The following EBF4 variants were observed in gnomAD, a reference collection of about 807,000 sequenced individuals.
EBF4 encodes the protein transcription factor COE4.
A neutral mutation model predicts 67.1 loss-of-function variants in EBF4; 34 were observed. That is an observed-to-expected ratio of 0.51 (90% CI 0.39 to 0.67). The LOEUF is 0.67. Ranked by LOEUF, EBF4 falls within the 30% of genes least tolerant of loss-of-function variation. The pLI, the probability that EBF4 is intolerant of heterozygous loss-of-function variation, is 0.00. For synonymous variants in EBF4, 387 were observed against 377.7 expected (o/e 1.02, Z -0.29); for missense variants, 837 against 873.3 (o/e 0.96, Z 0.52).
At chr20:2,708,250 G>A (rs1208484258) in intron 5 of EBF4, among the ~76,000 whole-genome samples, 6 of 152,208 alleles carry the variant, frequency 3.9e-5, no homozygotes, top group East Asian at 1.9e-4. Context: ...TGGCTTCTCC[G>A]AGTGTTTTTG....
rs1246485094 is a variant in EBF4 at position 2,739,503 on chromosome 20, C to T, written c.558-9046C>T. On this transcript the variant is annotated intron_variant, in intron 6 of 16. Coordinates refer to ENST00000609451, the Ensembl canonical transcript of EBF4. The surrounding 1 kb of genome is among the most constrained non-coding windows in gnomAD (Gnocchi z 4.5). ...CCTGCCGTGCCCACCACTCTGTCTT[C>T]CTGAGTTTCTCTTTCCTGTTGGGTT... 6.6e-6 allele frequency among the ~76,000 whole-genome samples: 1 copy of T among 152,182 alleles called. No homozygotes were observed. The highest frequency in any genetic ancestry group is 2.4e-5 in the African/African-American group (1 of 41,444).
At chr20:2,732,266 G>C (rs972770407) in intron 6 of EBF4, among the ~76,000 whole-genome samples, 1 of 152,018 alleles carries the variant, frequency 6.6e-6, no homozygotes, top group African/African-American at 2.4e-5. Flanking sequence ...GACTACAGGT[G>C]CATGCCACCA....
At chr20:2,726,500 G>A (rs2087747921) in intron 6 of EBF4, among the ~76,000 whole-genome samples, 1 of 151,332 alleles carries the variant, frequency 6.6e-6, no homozygotes, top group Non-Finnish European at 1.5e-5. Flanking sequence ...AGGATCACTC[G>A]AACCCAGGAG....
At chr20:2,732,131 T>G (rs1384640237) in intron 6 of EBF4, among the ~76,000 whole-genome samples, 1 of 151,908 alleles carries the variant, frequency 6.6e-6, no homozygotes, top group Non-Finnish European at 1.5e-5. Context: ...AGACAGGGTC[T>G]CACTCCAGTT....
chr20:2,734,374 C>CTTCA (rs1267317609), intron 6 of EBF4, among the ~76,000 whole-genome samples: 1 of 152,126 alleles, frequency 6.6e-6, no homozygotes, highest in Non-Finnish European at 1.5e-5. Context: ...CACCACTGCA[C>CTTCA]TTCAGCCTGG....
intron 6 of EBF4, among the ~76,000 whole-genome samples, chr20:2,723,440 TCC>T (rs1009658195): frequency 6.6e-6 from 1 of 152,110 alleles, no homozygotes; most frequent in Non-Finnish European, 1.5e-5. Flanking sequence ...AAGCTCAGCC[TCC>T]CGGGTTCACG....
chr20:2,716,124 A>G (rs2087605698), intron 6 of EBF4, among the ~76,000 whole-genome samples: 1 of 150,146 alleles, frequency 6.7e-6, no homozygotes, highest in South Asian at 2.1e-4. Context: ...TCAGAGGTTG[A>G]GGTGGGAGGA....
intron 6 of EBF4, among the ~76,000 whole-genome samples, chr20:2,724,355 T>G (rs568355186): frequency 6.6e-6 from 1 of 152,072 alleles, no homozygotes; most frequent in Non-Finnish European, 1.5e-5. Flanking sequence ...ATATGAATAA[T>G]TTTTTTTAAC....
In EBF4 at chr20:2,694,974, G is replaced by A. The variant is rs578002841; in HGVS notation, c.137+1192G>A. Among the ~76,000 whole-genome samples, 3 of 152,202 alleles carry A rather than the reference G, an allele frequency of 2.0e-5. No individual in the cohort carries two copies. The East Asian group carries it at 5.8e-4, about 29-fold the overall frequency. On this transcript the variant is annotated intron_variant, in intron 1 of 16. Transcript: ENST00000609451. ...GATATAGCTATATTCTAGAAAAATT[G>A]GAAAATAAAAAATTTAGTCCCTCCT...
intron 5 of EBF4, 48 bp downstream of exon 5, chr20:2,708,068 C>T (rs2087484385): frequency 6.4e-7 from 1 of 1,560,220 alleles, no homozygotes; most frequent in African/African-American, 1.4e-5. Flanking sequence ...CAAGGCGTTT[C>T]TGAGGACTCT....
chr20:2,732,705 C>G (rs76111902), intron 6 of EBF4, among the ~76,000 whole-genome samples: 107 of 152,286 alleles, frequency 7.0e-4, no homozygotes, highest in African/African-American at 2.4e-3. Flanking sequence ...TTCTGCCAAT[C>G]TCTTCCTTTT....
At chr20:2,754,366 G>A (rs1195684953) in intron 14 of EBF4, among the ~76,000 whole-genome samples, 1 of 152,110 alleles carries the variant, frequency 6.6e-6, no homozygotes, top group Non-Finnish European at 1.5e-5. Context: ...CAGCAACCCT[G>A]GAATGAATCA....
intron 10 of EBF4, 40 bp downstream of exon 10, chr20:2,750,013 G>A (rs747870971): frequency 6.4e-5 from 98 of 1,519,516 alleles, no homozygotes; most frequent in Non-Finnish European, 8.5e-5. Flanking sequence ...TAAGGTGCGC[G>A]GAGGGAGCCC....
chr20:2,703,933 C>G (rs1038877197), intron 1 of EBF4, among the ~76,000 whole-genome samples: 1 of 152,090 alleles, frequency 6.6e-6, no homozygotes, highest in Non-Finnish European at 1.5e-5. Flanking sequence ...CTCATGCTGG[C>G]AAGTCAGGGC....
In EBF4 at chr20:2,725,801, G is replaced by C. The variant is rs8119307; in HGVS notation, c.557+16159G>C. Among the ~76,000 whole-genome samples, 858 of 152,226 alleles carry C rather than the reference G, an allele frequency of 5.6e-3. 9 individuals carry two copies. Among genetic ancestry groups the C allele is most frequent in the African/African-American group, 0.019 (797 of 41,506 alleles). ...TCAGGTGGTTCCTATTCTCCATCCCGGTGTTTATATTGGCATTTGCCACAA... is the reference window on the plus strand; with the variant it reads ...TCAGGTGGTTCCTATTCTCCATCCCCGTGTTTATATTGGCATTTGCCACAA... On this transcript the variant is annotated intron_variant, in intron 6 of 16. Coordinates refer to ENST00000609451, the Ensembl canonical transcript of EBF4.
upstream of EBF4, chr20:2,693,433 C>A (rs2087240228): frequency 2.2e-6 from 1 of 446,818 alleles, no homozygotes; most frequent in East Asian, 3.6e-5. The surrounding 1 kb of genome is among the most constrained non-coding windows in gnomAD (Gnocchi z 4.6). Flanking sequence ...TCTCCCCGCC[C>A]AGCGCCCCAG....
rs1000744023 is a variant in EBF4 at position 2,747,334 on chromosome 20, G to GA, written c.558-1207dup. 4.8e-5 allele frequency among the ~76,000 whole-genome samples: 7 copies of GA among 146,984 alleles called. No homozygotes were observed. The highest frequency in any genetic ancestry group is 1.3e-4 in the African/African-American group (5 of 39,702). Reference sequence around the variant, plus strand: ...AAAACAAACAAAAAAAAAAAAACAGGAAAAAAAAGAGTACAACAGCCAGAA... The same window carrying GA: ...AAAACAAACAAAAAAAAAAAAACAGGAAAAAAAAAGAGTACAACAGCCAGAA... On this transcript the variant is annotated intron_variant, in intron 6 of 16. Transcript: ENST00000609451. This position sits in a 1 kb window ranked among gnomAD's most constrained non-coding sequence, Gnocchi z 4.6.
intron 6 of EBF4, among the ~76,000 whole-genome samples, chr20:2,725,975 G>A (rs984559885): frequency 1.3e-5 from 2 of 151,998 alleles, no homozygotes; most frequent in Non-Finnish European, 2.9e-5. Flanking sequence ...ATTGCCGGGG[G>A]GACCTCAAGA....
intron 10 of EBF4, 145 bp downstream of exon 10, chr20:2,750,118 A>G (rs939850032): frequency 8.2e-7 from 1 of 1,221,250 alleles, no homozygotes. Context: ...CCCTTTAACC[A>G]CCTATGCCTG....
Sources: allele counts gnomAD v4.1 joint callset (sites outside exome capture counted in the v4.1 genomes callset), GRCh38; gene constraint gnomAD v4.1.1; non-coding constraint Gnocchi (gnomAD v3.1); transcripts MANE v1.5; gene names NCBI Gene and HGNC (gene_info 2026-07-23, HGNC 2026-07-21).